CDON: variants seen among roughly 807,000 people sequenced by gnomAD.
CDON encodes cell adhesion molecule-related/down-regulated by oncogenes.
CDON carries 73 observed loss-of-function variants against 120.9 expected under a neutral mutation model. That is an observed-to-expected ratio of 0.60 (90% CI 0.50 to 0.73). CDON has a LOEUF of 0.73. CDON is among the 30% of genes least tolerant of loss of function. The pLI is 0.00. For missense variants in CDON, 1,470 were observed against 1,587.3 expected (o/e 0.93, Z 1.26); for synonymous variants, 566 against 573.5 (o/e 0.99, Z 0.19).
Position 125,957,402 on chromosome 11 carries a change from A to C in CDON, c.*3540T>G, listed in dbSNP as rs558279401. ...TCGCCCACCCCAATCACAAACTATA[A>C]GCAGCGTTGTACAAACAGGGAGTAT... On this transcript the variant is annotated 3_prime_UTR_variant, in exon 20 of 20. Transcript: ENST00000531738. 6.6e-5 allele frequency: 10 copies of C among 152,308 alleles called. No homozygotes were observed. The East Asian group carries it at 1.9e-3, about 29-fold the overall frequency. 9.4% of individuals were successfully genotyped at this position (152,308 alleles called of 1,614,324 possible).
chr11:125,982,617 C>T (rs548358044), intron 16 of CDON, among the ~76,000 whole-genome samples: 13 of 152,300 alleles, frequency 8.5e-5, no homozygotes, highest in African/African-American at 2.9e-4. Context: ...CTGTCCAGAA[C>T]AGTGCCTGGT....
rs558355510 is a variant in CDON at position 125,973,122 on chromosome 11, T to C, written c.3356+5182A>G. Among the ~76,000 whole-genome samples, 42 of 148,492 alleles carry C rather than the reference T, an allele frequency of 2.8e-4. 1 individual carries two copies. The South Asian group carries it at 9.3e-3, about 33-fold the overall frequency. ...ATTCTTCTCTTTCTCTCCCTACAAC[T>C]ATGCTAGTCTACTGTTTCTCATCTG... On this transcript the variant is annotated intron_variant, in intron 18 of 19. Coordinates refer to ENST00000531738, the MANE Select transcript of CDON (RefSeq NM_001378964.1).
chr11:125,979,616 A>G lies in CDON; in HGVS notation c.3277-1233T>C, dbSNP rs536907156. Among the ~76,000 whole-genome samples the G allele has an allele frequency of 3.9e-5, 6 of 152,320 alleles. No individual in the cohort carries two copies. In the South Asian group the frequency reaches 1.2e-3, roughly 32 times the overall value. ...ACATTGTACACCAAATGGGGCACCT[A>G]TTATTTAAATAGAAATTCATTGTTC... On this transcript the variant is annotated intron_variant, in intron 17 of 19. Coordinates refer to ENST00000531738, the MANE Select transcript of CDON (RefSeq NM_001378964.1).
At chr11:125,970,071 G>C (rs893788961) in intron 18 of CDON, among the ~76,000 whole-genome samples, 4 of 151,804 alleles carry the variant, frequency 2.6e-5, no homozygotes, top group Non-Finnish European at 5.9e-5. Flanking sequence ...ATTATGCCTA[G>C]AGGGAAAGAA....
chr11:125,961,296 T>C (rs982996693), intron 19 of CDON, among the ~76,000 whole-genome samples, 191 bp from the exon 20 acceptor site: 9 of 152,172 alleles, frequency 5.9e-5, no homozygotes, highest in African/African-American at 1.9e-4. Flanking sequence ...TGAGCTCTCA[T>C]GAGAAGCTAT....
rs146047882 is a variant in CDON, at chr11:125,994,428, T to C, written c.2545-39A>G. ...GCAAAGACTTGTCAAAGAGAAAAAT[T>C]AATGTAACCTTCTCATTCATTAAGG... is the stretch of plus-strand genomic sequence containing the variant. On this transcript the variant is annotated intron_variant, in intron 13 of 19. Coordinates refer to ENST00000531738, the MANE Select transcript of CDON (RefSeq NM_001378964.1). 118 of 1,095,420 alleles carry C rather than the reference T, an allele frequency of 1.1e-4. No individual in the cohort carries two copies. In the East Asian group the frequency reaches 2.3e-3, roughly 21 times the overall value. The allele number at this position is 1,095,420 out of a possible 1,614,324, so 67.9% of individuals were successfully genotyped here.
chr11:126,053,813 A>G (rs1948625241), intron 1 of CDON, among the ~76,000 whole-genome samples: 1 of 152,166 alleles, frequency 6.6e-6, no homozygotes, highest in Non-Finnish European at 1.5e-5. Flanking sequence ...GAGGTTACTG[A>G]TAAACCCTAT....
chr11:125,996,678 C>T (rs1190277024), intron 12 of CDON, among the ~76,000 whole-genome samples: 40 of 109,462 alleles, frequency 3.7e-4, no homozygotes, highest in Non-Finnish European at 5.8e-4. Flanking sequence ...CCGGCCTAGG[C>T]GACAGAGGGA....
intron 18 of CDON, among the ~76,000 whole-genome samples, chr11:125,970,906 T>A (rs1179329814): frequency 1.3e-5 from 2 of 152,158 alleles, no homozygotes; most frequent in Non-Finnish European, 2.9e-5. Context: ...AAAGCACTGA[T>A]CAATTTTTAA....
chr11:126,055,767 T>C (rs1159086681), intron 1 of CDON, among the ~76,000 whole-genome samples: 1 of 152,354 alleles, frequency 6.6e-6, no homozygotes, highest in East Asian at 1.9e-4. Flanking sequence ...TAGTACATGC[T>C]ATACTTTTAA....
chr11:125,975,454 T>C (rs1396830066), intron 18 of CDON, among the ~76,000 whole-genome samples: 1 of 118,484 alleles, frequency 8.4e-6, no homozygotes, highest in South Asian at 2.7e-4. Context: ...ATAGGACTTG[T>C]TTATTAAATA....
At chr11:126,012,969 A>G (rs941237168) in intron 7 of CDON, among the ~76,000 whole-genome samples, 1 of 152,132 alleles carries the variant, frequency 6.6e-6, no homozygotes, top group African/African-American at 2.4e-5. Context: ...AGTGCTTCTT[A>G]TATTTCACCA....
chr11:125,978,215 A>G (rs1290038285), intron 18 of CDON, 89 bp downstream of exon 18: 1 of 795,000 alleles, frequency 1.3e-6, no homozygotes, highest in Non-Finnish European at 2.2e-6. Flanking sequence ...CCTAGGTAAA[A>G]TTCCAAGAAC....
intron 7 of CDON, 32 bp from the exon 8 acceptor site, chr11:126,010,726 G>T: frequency 1.3e-6 from 2 of 1,567,644 alleles, no homozygotes; most frequent in South Asian, 1.1e-5. Flanking sequence ...TATGAAAAAT[G>T]AAGAACATTG....
chr11:125,993,481 G>C (rs539005821), intron 14 of CDON, among the ~76,000 whole-genome samples: 1 of 152,236 alleles, frequency 6.6e-6, no homozygotes, highest in African/African-American at 2.4e-5. Context: ...GGTATGGTTA[G>C]AAACTACAGC....
At position 125,961,894 on chromosome 11, in the gene CDON, T is replaced by G; in HGVS notation, c.3461A>C (p.His1154Pro). 1.9e-6 allele frequency: 3 copies of G among 1,614,182 alleles called. No individual in the cohort carries two copies. The highest frequency in any genetic ancestry group is 2.5e-6 in the Non-Finnish European group (3 of 1,180,028). The change falls in exon 19 of 20, where the codon CAC (histidine) becomes CCC (proline). Residue 1154 changes from histidine to proline, a missense_variant. Coordinates refer to ENST00000531738, the MANE Select transcript of CDON (RefSeq NM_001378964.1). ...AGTCAGGCATACAGGCACCTTCACGTGACTGAGGGGCTTCATTTCCAAACC... is the reference window on the plus strand; with the variant it reads ...AGTCAGGCATACAGGCACCTTCACGGGACTGAGGGGCTTCATTTCCAAACC... Reference protein sequence around the residue: ...QDGLEMKPLSHVKVPVCLTSA... With the variant: ...QDGLEMKPLSPVKVPVCLTSA...
At chr11:126,014,620 T>A (rs1036395080) in intron 7 of CDON, among the ~76,000 whole-genome samples, 1 of 152,190 alleles carries the variant, frequency 6.6e-6, no homozygotes, top group Non-Finnish European at 1.5e-5. Context: ...AGGGCATTCA[T>A]TATAGAACTA....
chr11:126,016,389 C>T (rs1947469188), intron 6 of CDON, among the ~76,000 whole-genome samples: 1 of 151,992 alleles, frequency 6.6e-6, no homozygotes, highest in Non-Finnish European at 1.5e-5. Context: ...GGTAAGAGCA[C>T]CCAAAAAAAG....
At chr11:125,965,119 C>T (rs1362482776) in intron 18 of CDON, among the ~76,000 whole-genome samples, 5 of 151,978 alleles carry the variant, frequency 3.3e-5, no homozygotes, top group Admixed American at 1.3e-4. Context: ...TTAGTAGAGA[C>T]GGGGTTTCAC....
Sources: allele counts gnomAD v4.1 joint callset (sites outside exome capture counted in the v4.1 genomes callset), GRCh38; gene constraint gnomAD v4.1.1; transcripts MANE v1.5; gene names NCBI Gene and HGNC (gene_info 2026-07-23, HGNC 2026-07-21).